Variants in GPC5 observed in about 807,000 individuals in gnomAD.
The protein encoded by GPC5 is glypican-5.
In GPC5, 47 loss-of-function variants were observed where a neutral mutation model predicts 53.9. The observed-to-expected ratio is 0.87, with a 90% CI of 0.69 to 1.11. GPC5 has a LOEUF of 1.11. Among genes scored for constraint, GPC5 ranks in the 50% most tolerant of loss-of-function variants. The pLI is 0.00. For missense variants in GPC5, 748 were observed against 713.1 expected, an observed-to-expected ratio of 1.05 and a Z score of -0.56; for synonymous variants, 286 against 263.3, an observed-to-expected ratio of 1.09 and a Z score of -0.84.
At chr13:91,883,548 G>A (rs2039290128) in intron 5 of GPC5, among the ~76,000 whole-genome samples, 1 of 152,174 alleles carries the variant, frequency 6.6e-6, no homozygotes, top group Non-Finnish European at 1.5e-5. Context: ...TCCAAAGAGA[G>A]AACACAGCTT....
intron 2 of GPC5, among the ~76,000 whole-genome samples, chr13:91,495,753 C>T (rs4112650): frequency 0.058 from 8,792 of 152,262 alleles, 273 homozygotes; most frequent in Non-Finnish European, 0.078. Context: ...CTTGTTGTGG[C>T]GGCTCACGCC....
At chr13:91,798,868 G>A (rs755197926) in intron 5 of GPC5, among the ~76,000 whole-genome samples, 10 of 152,188 alleles carry the variant, frequency 6.6e-5, no homozygotes, top group South Asian at 2.1e-4. Flanking sequence ...CTGCAACCTC[G>A]CTAGCATCTG....
At chr13:91,718,539 T>C (rs562322452) in intron 3 of GPC5, among the ~76,000 whole-genome samples, 20 of 152,186 alleles carry the variant, frequency 1.3e-4, no homozygotes, top group Non-Finnish European at 2.2e-4. Flanking sequence ...TTGTAGTTTG[T>C]GGTGCTACCT....
chr13:92,056,322 C>T (rs2041074114), intron 6 of GPC5, among the ~76,000 whole-genome samples: 1 of 152,128 alleles, frequency 6.6e-6, no homozygotes, highest in African/African-American at 2.4e-5. Context: ...ATTAAGACCT[C>T]CGGGATTACA....
intron 2 of GPC5, among the ~76,000 whole-genome samples, chr13:91,456,778 GTGTTT>G (rs1452203748): frequency 6.6e-6 from 1 of 150,654 alleles, no homozygotes; most frequent in Non-Finnish European, 1.5e-5. Context: ...ATTCACGTGG[GTGTTT>G]TGTTTTGTTT....
At chr13:92,400,062 T>C (rs1028404295) in intron 7 of GPC5, among the ~76,000 whole-genome samples, 4 of 152,180 alleles carry the variant, frequency 2.6e-5, no homozygotes. Flanking sequence ...CATGGCTTGC[T>C]ATTTTTCTTC....
chr13:92,312,442 G>A (rs2043151361), intron 7 of GPC5, among the ~76,000 whole-genome samples: 1 of 152,120 alleles, frequency 6.6e-6, no homozygotes. Context: ...CAGTGGTTAT[G>A]TCAAAAAATA....
At chr13:91,787,572 G>A (rs1465304008) in intron 5 of GPC5, among the ~76,000 whole-genome samples, 3 of 152,112 alleles carry the variant, frequency 2.0e-5, no homozygotes, top group African/African-American at 7.2e-5. Flanking sequence ...AGTAGGGGGA[G>A]AAATATGTTC....
At chr13:92,669,813 C>G (rs1886687719) in intron 7 of GPC5, among the ~76,000 whole-genome samples, 1 of 152,168 alleles carries the variant, frequency 6.6e-6, no homozygotes, top group South Asian at 2.1e-4. Context: ...GGCACCTACT[C>G]AGGAGTCCTC....
chr13:92,800,073 G>A (rs1430059745), intron 7 of GPC5, among the ~76,000 whole-genome samples: 1 of 151,714 alleles, frequency 6.6e-6, no homozygotes, highest in Non-Finnish European at 1.5e-5. Flanking sequence ...ATCCACAGAA[G>A]GTAAATATCT....
intron 7 of GPC5, among the ~76,000 whole-genome samples, chr13:92,832,824 A>G (rs148641506): frequency 0.011 from 1,673 of 152,236 alleles, 15 homozygotes; most frequent in Middle Eastern, 0.034. Context: ...CCTGGCCAAC[A>G]TGGTAAAACC....
At chr13:91,952,173 TTCTC>T (rs766210462) in intron 6 of GPC5, among the ~76,000 whole-genome samples, 8 of 106,782 alleles carry the variant, frequency 7.5e-5, no homozygotes, top group Non-Finnish European at 9.9e-5. Context: ...TGATCTCTCT[TTCTC>T]TCTCTCTCTC....
chr13:91,498,536 A>G (rs1423533039), intron 2 of GPC5, among the ~76,000 whole-genome samples: 1 of 152,120 alleles, frequency 6.6e-6, no homozygotes, highest in Non-Finnish European at 1.5e-5. Context: ...GATAGCCAGG[A>G]GCATGTGGAG....
chr13:92,496,665 G>A (rs954603219), intron 7 of GPC5, among the ~76,000 whole-genome samples: 1 of 152,036 alleles, frequency 6.6e-6, no homozygotes, highest in Non-Finnish European at 1.5e-5. Context: ...ACTCAGTACC[G>A]CCAGCACAAA....
chr13:92,745,478 T>A (rs1889218335), intron 7 of GPC5, among the ~76,000 whole-genome samples: 1 of 152,100 alleles, frequency 6.6e-6, no homozygotes. Flanking sequence ...CTTTTCCTCA[T>A]AATTTGGACT....
At chr13:91,569,895 C>T (rs1054678467) in intron 2 of GPC5, among the ~76,000 whole-genome samples, 2 of 152,148 alleles carry the variant, frequency 1.3e-5, no homozygotes, top group African/African-American at 4.8e-5. Context: ...ACTTCCCCGC[C>T]TTCAGAAATG....
intron 2 of GPC5, among the ~76,000 whole-genome samples, chr13:91,631,568 G>T (rs925072650): frequency 6.6e-6 from 1 of 152,006 alleles, no homozygotes; most frequent in African/African-American, 2.4e-5. Flanking sequence ...TGAGCACTGC[G>T]TGTGCCACAG....
chr13:92,383,643 T>C (rs1020259479), intron 7 of GPC5, among the ~76,000 whole-genome samples: 1 of 152,214 alleles, frequency 6.6e-6, no homozygotes, highest in Admixed American at 6.5e-5. Context: ...GTCAACAATC[T>C]GTTTCAGTGA....
At chr13:92,854,006 G>A (rs1350892945) in intron 7 of GPC5, among the ~76,000 whole-genome samples, 1 of 151,902 alleles carries the variant, frequency 6.6e-6, no homozygotes, top group Non-Finnish European at 1.5e-5. Context: ...AGGGATCATG[G>A]TTCTCCTTTA....
Sources: allele counts gnomAD v4.1 joint callset (sites outside exome capture counted in the v4.1 genomes callset), GRCh38; gene constraint gnomAD v4.1.1; transcripts MANE v1.5; gene names NCBI Gene and HGNC (gene_info 2026-07-23, HGNC 2026-07-21).